ADGRA3: variants seen among roughly 807,000 people sequenced by gnomAD.
The protein encoded by ADGRA3 is adhesion G protein-coupled receptor A3.
Under a neutral mutation model 119.8 loss-of-function variants are expected in ADGRA3, and 56 were observed. The observed-to-expected ratio is 0.47, with a 90% CI of 0.38 to 0.58. ADGRA3 has a LOEUF of 0.58. Among genes scored for constraint, ADGRA3 ranks in the 20% least tolerant of loss-of-function variants. The pLI, the probability that ADGRA3 is intolerant of heterozygous loss-of-function variation, is 0.00. For synonymous variants in ADGRA3, 607 were observed against 623.8 expected, an observed-to-expected ratio of 0.97 and a Z score of 0.40; for missense variants, 1,516 against 1,649.0, an observed-to-expected ratio of 0.92 and a Z score of 1.40.
intron 10 of ADGRA3, among the ~76,000 whole-genome samples, chr4:22,426,393 A>G (rs1245471013): frequency 2.6e-5 from 4 of 152,158 alleles, no homozygotes; most frequent in African/African-American, 9.7e-5. Flanking sequence ...ATCCTTATTC[A>G]CTAGTACAAG....
At chr4:22,499,027 G>A (rs999803686) in intron 1 of ADGRA3, among the ~76,000 whole-genome samples, 5 of 152,194 alleles carry the variant, frequency 3.3e-5, no homozygotes, top group African/African-American at 1.2e-4. Context: ...CAGCTTGTAA[G>A]TGAGGGGCAA....
chr4:22,408,632 T>C (rs920669460), intron 14 of ADGRA3, among the ~76,000 whole-genome samples: 4 of 152,128 alleles, frequency 2.6e-5, no homozygotes, highest in African/African-American at 4.8e-5. Context: ...AAACTGAAGA[T>C]TGACAATTCC....
In ADGRA3 at chr4:22,427,349, T is replaced by A. The variant is rs1254728839; in HGVS notation, c.1444-2997A>T. Among the ~76,000 whole-genome samples the A allele has an allele frequency of 7.2e-5, 11 of 152,242 alleles. No homozygotes were observed. The East Asian group carries it at 1.9e-3, about 27-fold the overall frequency. ...TTTTATAGGGACCTGACATGAGATC[T>A]GATGGGCACGTCATCTTTCTTGAAA... is the stretch of plus-strand genomic sequence containing the variant. On this transcript the variant is annotated intron_variant, in intron 10 of 18. Coordinates refer to ENST00000334304, the MANE Select transcript of ADGRA3 (RefSeq NM_145290.4).
chr4:22,475,584 G>A (rs1449636259), intron 1 of ADGRA3, among the ~76,000 whole-genome samples: 9 of 152,198 alleles, frequency 5.9e-5, no homozygotes, highest in South Asian at 4.1e-4. Context: ...AAAATTAGCC[G>A]GGCGTAGTGG....
intron 10 of ADGRA3, among the ~76,000 whole-genome samples, chr4:22,428,886 T>G (rs1260302341): frequency 6.6e-6 from 1 of 152,148 alleles, no homozygotes; most frequent in Non-Finnish European, 1.5e-5. Context: ...TGGCAAAGGT[T>G]AAAGCTCTGA....
In ADGRA3 at chr4:22,421,006, CA is replaced by C; in HGVS notation, c.1688del (p.Val563GlyfsTer25). On this transcript the variant is annotated frameshift_variant, in exon 12 of 19. Transcript: ENST00000334304. LOFTEE classifies it high-confidence loss of function. ...AAAGTCCTGTACGATCAGAGGCTGC[CA>C]CTTTCTGGAACACGGTACAGGTCAT... ...TGMTCTVFQK[V>X]AASDRTGLSD... is the part of the protein sequence containing the mutation. 1 of 1,614,068 alleles carries C rather than the reference CA, an allele frequency of 6.2e-7. No individual in the cohort carries two copies.
At chr4:22,475,487 G>A (rs1186013150) in intron 1 of ADGRA3, among the ~76,000 whole-genome samples, 1 of 152,144 alleles carries the variant, frequency 6.6e-6, no homozygotes, top group Non-Finnish European at 1.5e-5. Flanking sequence ...CAGCACTTTG[G>A]GAGGCCGAGG....
chr4:22,507,207 T>C (rs1283712325), intron 1 of ADGRA3, among the ~76,000 whole-genome samples: 1 of 152,098 alleles, frequency 6.6e-6, no homozygotes, highest in Admixed American at 6.6e-5. Flanking sequence ...GCCACTGCAC[T>C]CCAGCCTGGG....
intron 10 of ADGRA3, among the ~76,000 whole-genome samples, chr4:22,431,178 G>A (rs1000789189): frequency 6.6e-6 from 1 of 152,116 alleles, no homozygotes; most frequent in Non-Finnish European, 1.5e-5. Flanking sequence ...TCCCTACTGG[G>A]GCACCAACTA....
chr4:22,398,090 A>T, intron 16 of ADGRA3: 2 of 985,394 alleles, frequency 2.0e-6, no homozygotes, highest in Non-Finnish European at 2.4e-6. Context: ...TCTGAGACCC[A>T]TCATCTGACT....
chr4:22,443,562 T>G (rs1049272795), intron 6 of ADGRA3, among the ~76,000 whole-genome samples: 9 of 152,140 alleles, frequency 5.9e-5, no homozygotes, highest in Non-Finnish European at 1.0e-4. Context: ...CTTCCATTAT[T>G]TATGAAGCAA....
chr4:22,496,385 C>T (rs1718826095), intron 1 of ADGRA3, among the ~76,000 whole-genome samples: 1 of 152,292 alleles, frequency 6.6e-6, no homozygotes, highest in Non-Finnish European at 1.5e-5. Context: ...AAGCAACCAA[C>T]ACAACATTTA....
intron 1 of ADGRA3, among the ~76,000 whole-genome samples, chr4:22,489,123 T>A (rs1718539087): frequency 6.6e-6 from 1 of 152,118 alleles, no homozygotes; most frequent in South Asian, 2.1e-4. Context: ...CTCATAATCA[T>A]GGTGGAAGGT....
intron 14 of ADGRA3, among the ~76,000 whole-genome samples, chr4:22,403,406 T>C (rs1347386395): frequency 6.6e-6 from 1 of 151,814 alleles, no homozygotes; most frequent in Non-Finnish European, 1.5e-5. Context: ...TCAAGCACAA[T>C]TACGGCAGCA....
At position 22,387,496 on chromosome 4, in the gene ADGRA3, T is replaced by A; in HGVS notation, c.*209A>T. 2.1e-6 allele frequency: 1 copy of A among 481,440 alleles called. No homozygotes were observed. The highest frequency in any genetic ancestry group is 3.6e-6 in the Non-Finnish European group (1 of 274,628). 29.8% of individuals were successfully genotyped at this position (481,440 alleles called of 1,614,324 possible). A position where few individuals can be genotyped will look rare whatever the true frequency, so the allele number is the denominator to read the frequency against. On this transcript the variant is annotated 3_prime_UTR_variant, in exon 19 of 19. Transcript: ENST00000334304. ...AATGTCCTGTTGGTGCTTTGACAAC[T>A]AAAACAATGTTTTAGAAAGATTTTG... is the stretch of plus-strand genomic sequence containing the variant.
rs745775771 is a variant in ADGRA3, at chr4:22,413,307, G to A, written c.2107C>T (p.Arg703Trp). 6.9e-5 allele frequency: 111 copies of A among 1,613,820 alleles called. No individual in the cohort carries two copies. Among genetic ancestry groups the A allele is most frequent in the Non-Finnish European group, 9.1e-5 (107 of 1,179,952 alleles). The stretch of plus-strand genomic sequence containing the variant: ...CCGTTCAGCAAATCGAAATCCCACC[G>A]GGCTGCAACAGCATCTGCTCCATGT... Reference protein sequence around the residue: ...IAHGADAVAARWDFDLLNGQG... With the variant: ...IAHGADAVAAWWDFDLLNGQG... The change falls in exon 14 of 19, where the codon CGG (arginine) becomes TGG (tryptophan). Residue 703 changes from arginine to tryptophan, a missense_variant. Physicochemically the swap from Arg to Trp is moderately radical, Grantham distance 101. This residue lies in a region of ADGRA3 where 1,088 missense variants were observed against 1,107.1 expected (regional missense o/e 0.98). Coordinates refer to ENST00000334304, the MANE Select transcript of ADGRA3 (RefSeq NM_145290.4).
At chr4:22,479,035 T>C (rs1038165675) in intron 1 of ADGRA3, among the ~76,000 whole-genome samples, 9 of 151,510 alleles carry the variant, frequency 5.9e-5, no homozygotes, top group African/African-American at 2.2e-4. Context: ...AAAAAAAAAC[T>C]AAGAAACAAA....
chr4:22,462,853 C>G (rs1717515439), intron 2 of ADGRA3, among the ~76,000 whole-genome samples: 1 of 152,206 alleles, frequency 6.6e-6, no homozygotes, highest in Non-Finnish European at 1.5e-5. Context: ...TGCAGACACA[C>G]TATGGCTACA....
chr4:22,451,269 A>G (rs1560324281), intron 4 of ADGRA3, among the ~76,000 whole-genome samples: 10 of 152,144 alleles, frequency 6.6e-5, no homozygotes. Flanking sequence ...TAGATTGATC[A>G]TAAAGAACAA....
Sources: allele counts gnomAD v4.1 joint callset (sites outside exome capture counted in the v4.1 genomes callset), GRCh38; gene constraint gnomAD v4.1.1; regional missense constraint gnomAD v4.1.1; transcripts MANE v1.5; gene names NCBI Gene and HGNC (gene_info 2026-07-23, HGNC 2026-07-21).